IGF2BP1: variants seen among roughly 807,000 people sequenced by gnomAD.
IGF2BP1 encodes insulin-like growth factor 2 mRNA-binding protein 1.
Under a neutral mutation model 74.9 loss-of-function variants are expected in IGF2BP1, and 11 were observed. That is an observed-to-expected ratio of 0.15 (90% CI 0.09 to 0.24). The LOEUF (loss-of-function observed/expected upper bound fraction) is 0.24, where lower values mean the gene tolerates loss of function less well. IGF2BP1 is among the 10% of genes least tolerant of loss of function. The probability of loss-of-function intolerance (pLI) is 1.00; values close to 1 mark genes in which losing one functional copy is unlikely to be tolerated. For missense variants in IGF2BP1, 440 were observed against 757.4 expected, an observed-to-expected ratio of 0.58 and a Z score of 4.92; for synonymous variants, 287 against 281.8, an observed-to-expected ratio of 1.02 and a Z score of -0.18.
At chr17:49,040,730 G>A (rs1398881118) in intron 7 of IGF2BP1, among the ~76,000 whole-genome samples, 1 of 152,184 alleles carries the variant, frequency 6.6e-6, no homozygotes, top group Non-Finnish European at 1.5e-5. Context: ...TAGTACATAT[G>A]GACAGACCGC....
intron 1 of IGF2BP1, among the ~76,000 whole-genome samples, chr17:48,998,542 C>T (rs1202779036): frequency 1.3e-5 from 2 of 152,112 alleles, no homozygotes; most frequent in African/African-American, 2.4e-5. Flanking sequence ...CATGCTGCTT[C>T]CCGAGACGCC....
At chr17:49,018,389 G>A (rs1185255403) in intron 2 of IGF2BP1, among the ~76,000 whole-genome samples, 1 of 152,130 alleles carries the variant, frequency 6.6e-6, no homozygotes, top group Non-Finnish European at 1.5e-5. Context: ...ACCCCAAACT[G>A]GCTCCCAGTC....
intron 2 of IGF2BP1, among the ~76,000 whole-genome samples, chr17:49,007,037 A>G (rs2041558592): frequency 6.6e-6 from 1 of 152,166 alleles, no homozygotes; most frequent in Non-Finnish European, 1.5e-5. Context: ...GTACATGTAG[A>G]GTAGGGACAT....
chr17:49,038,874 A>ATCTTTTTTTTTTTTT lies in IGF2BP1; in HGVS notation c.683+426_683+427insCTTTTTTTTTTTTTT, dbSNP rs1491495832. On this transcript the variant is annotated intron_variant, in intron 6 of 14. Coordinates refer to ENST00000290341, the MANE Select transcript of IGF2BP1 (RefSeq NM_006546.4). ...CTGCCACTGCCACCTTCTTTCTTTA[A>ATCTTTTTTTTTTTTT]TATTTTTTTTTTTTTTTTTTTGAGA... Among the ~76,000 whole-genome samples, 18 of 75,274 alleles carry ATCTTTTTTTTTTTTT rather than the reference A, an allele frequency of 2.4e-4. 3 individuals carry two copies. The highest frequency in any genetic ancestry group is 8.4e-4 in the African/African-American group (15 of 17,828). 49.4% of individuals were successfully genotyped at this position (75,274 alleles called of 152,430 possible). A position where few individuals can be genotyped will look rare whatever the true frequency, so the allele number is the denominator to read the frequency against.
Position 49,049,683 on chromosome 17 carries a change from A to T in IGF2BP1, c.*239A>T. The T allele has an allele frequency of 2.1e-6, 1 of 476,026 alleles. No homozygotes were observed. 29.5% of individuals were successfully genotyped at this position (476,026 alleles called of 1,614,324 possible). Reference sequence around the variant, plus strand: ...CTCGGGGTGTCAGAAATTCTAGCGCAAGGCACTTTTAAACGTGGATTGTTT... The same window carrying T: ...CTCGGGGTGTCAGAAATTCTAGCGCTAGGCACTTTTAAACGTGGATTGTTT... On this transcript the variant is annotated 3_prime_UTR_variant, in exon 15 of 15. Coordinates refer to ENST00000290341, the MANE Select transcript of IGF2BP1 (RefSeq NM_006546.4).
chr17:49,041,737 G>A (rs577307601), intron 8 of IGF2BP1, among the ~76,000 whole-genome samples: 7 of 152,282 alleles, frequency 4.6e-5, no homozygotes, highest in East Asian at 1.9e-4. Context: ...TACAGTCCAC[G>A]TCCAACCACT....
At chr17:49,017,328 C>G (rs2041718624) in intron 2 of IGF2BP1, among the ~76,000 whole-genome samples, 1 of 152,156 alleles carries the variant, frequency 6.6e-6, no homozygotes, top group Non-Finnish European at 1.5e-5. Context: ...GACTGTAAAC[C>G]CTGTCAAAGC....
intron 2 of IGF2BP1, among the ~76,000 whole-genome samples, chr17:49,024,600 T>C (rs1008026800): frequency 2.0e-5 from 3 of 152,160 alleles, no homozygotes; most frequent in African/African-American, 7.2e-5. Flanking sequence ...CCTACCACCC[T>C]GTGGAAAGGT....
rs1215804071 is a variant in IGF2BP1 at position 49,053,972 on chromosome 17, C to T, written c.*4528C>T. ...AGGAAGATTGAAGAAAAATCCTCAT[C>T]AATGCCAGGGGACATAAAAGCCATT... is the stretch of plus-strand genomic sequence containing the variant. On this transcript the variant is annotated 3_prime_UTR_variant, in exon 15 of 15. Coordinates refer to ENST00000290341, the MANE Select transcript of IGF2BP1 (RefSeq NM_006546.4). The T allele has an allele frequency of 6.5e-6, 1 of 152,720 alleles. No individual in the cohort carries two copies. The highest frequency in any genetic ancestry group is 2.4e-5 in the African/African-American group (1 of 41,478). The allele number at this position is 152,720 out of a possible 1,614,324, so 9.5% of individuals were successfully genotyped here. A position where few individuals can be genotyped will look rare whatever the true frequency, so the allele number is the denominator to read the frequency against.
intron 3 of IGF2BP1, among the ~76,000 whole-genome samples, chr17:49,026,178 GT>G (rs1247407079): frequency 6.6e-6 from 1 of 152,090 alleles, no homozygotes; most frequent in African/African-American, 2.4e-5. Context: ...GTGGATGAGT[GT>G]TTCCTAAGCC....
At chr17:49,023,000 A>G (rs2041810993) in intron 2 of IGF2BP1, among the ~76,000 whole-genome samples, 1 of 152,234 alleles carries the variant, frequency 6.6e-6, no homozygotes, top group African/African-American at 2.4e-5. Flanking sequence ...GTGTTAAACT[A>G]GGTCTGCGTT....
At position 49,046,215 on chromosome 17, in the gene IGF2BP1, A is replaced by G. The variant is rs766907222; in HGVS notation, c.1528-45A>G. 3.9e-6 allele frequency: 6 copies of G among 1,553,992 alleles called. No individual in the cohort carries two copies. The East Asian group carries it at 6.7e-5, about 17-fold the overall frequency. On this transcript the variant is annotated intron_variant, in intron 13 of 14. Transcript: ENST00000290341. ...CTGGCTCCTCCCTCCAACCCCACCC[A>G]TGCTTTCTTGATGGCACCCTGAGCT...
At chr17:49,015,347 C>A (rs2041685075) in intron 2 of IGF2BP1, among the ~76,000 whole-genome samples, 1 of 152,176 alleles carries the variant, frequency 6.6e-6, no homozygotes, top group African/African-American at 2.4e-5. Flanking sequence ...ACCAGCATCT[C>A]CAGAGAGGCG....
At chr17:49,036,411 C>G (rs1386429594) in intron 5 of IGF2BP1, 2 of 151,832 alleles carry the variant, frequency 1.3e-5, no homozygotes, top group Non-Finnish European at 2.9e-5. Flanking sequence ...AGCATGGCCC[C>G]TGCGCGAAGA....
intron 2 of IGF2BP1, among the ~76,000 whole-genome samples, chr17:49,005,028 C>G (rs2041533462): frequency 6.6e-6 from 1 of 152,162 alleles, no homozygotes; most frequent in Non-Finnish European, 1.5e-5. Context: ...AGATTTTGAT[C>G]AGAGGAGACT....
At position 49,053,042 on chromosome 17, in the gene IGF2BP1, T is replaced by A. The variant is rs1319520056; in HGVS notation, c.*3598T>A. The A allele has an allele frequency of 2.0e-5, 3 of 152,140 alleles. No individual in the cohort carries two copies. Among genetic ancestry groups the A allele is most frequent in the Non-Finnish European group, 1.5e-5 (1 of 68,042 alleles). 9.4% of individuals were successfully genotyped at this position (152,140 alleles called of 1,614,324 possible). ...TTGTGGACTCAGCTCCTGTGAGGGG[T>A]CTGGTTAGGAGAGAGCCATTTTTAA... On this transcript the variant is annotated 3_prime_UTR_variant, in exon 15 of 15. Coordinates refer to ENST00000290341, the MANE Select transcript of IGF2BP1 (RefSeq NM_006546.4).
chr17:49,046,123 C>T, intron 13 of IGF2BP1, 102 bp downstream of exon 13: 3 of 1,492,506 alleles, frequency 2.0e-6, no homozygotes, highest in Non-Finnish European at 2.8e-6. Context: ...TCCTGATTTG[C>T]TCATTTACTT....
At chr17:49,044,242 G>T (rs1214762981) in intron 11 of IGF2BP1, among the ~76,000 whole-genome samples, 156 bp downstream of exon 11, 2 of 152,132 alleles carry the variant, frequency 1.3e-5, no homozygotes, top group Non-Finnish European at 2.9e-5. Flanking sequence ...CTTTGTTTTT[G>T]ATCTTGCTTG....
chr17:49,010,008 A>G (rs899591061), intron 2 of IGF2BP1, among the ~76,000 whole-genome samples: 1 of 152,012 alleles, frequency 6.6e-6, no homozygotes, highest in Non-Finnish European at 1.5e-5. Flanking sequence ...TGAACCCAGG[A>G]GGCGGAGGTT....
Sources: allele counts gnomAD v4.1 joint callset (sites outside exome capture counted in the v4.1 genomes callset), GRCh38; gene constraint gnomAD v4.1.1; transcripts MANE v1.5; gene names NCBI Gene and HGNC (gene_info 2026-07-23, HGNC 2026-07-21).